Variants in OXCT1 observed in about 807,000 individuals in gnomAD.
OXCT1 encodes the protein 3-oxoacid CoA-transferase 1, also known as succinyl-CoA:3-ketoacid coenzyme A transferase 1, mitochondrial.
A neutral mutation model predicts 69.6 loss-of-function variants in OXCT1; 27 were observed. The observed-to-expected ratio is 0.39, with a 90% confidence interval of 0.29 to 0.54. OXCT1 has a LOEUF of 0.54. OXCT1 is among the 20% of genes least tolerant of loss of function. OXCT1 has a pLI of 0.72. For synonymous variants in OXCT1, 202 were observed against 217.8 expected (o/e 0.93, Z 0.64); for missense variants, 437 against 650.2 (o/e 0.67, Z 3.57).
chr5:41,770,788 T>C (rs1258173536), intron 13 of OXCT1, among the ~76,000 whole-genome samples: 1 of 152,208 alleles, frequency 6.6e-6, no homozygotes, highest in Non-Finnish European at 1.5e-5. Flanking sequence ...ACAGAACCAC[T>C]GATGTGTATC....
At chr5:41,795,341 G>T (rs191977555) in intron 11 of OXCT1, among the ~76,000 whole-genome samples, 3 of 152,182 alleles carry the variant, frequency 2.0e-5, no homozygotes, top group Admixed American at 2.0e-4. Flanking sequence ...CAGCCCAGGG[G>T]TTAGGGACCC....
chr5:41,826,475 G>A (rs1218338546), intron 7 of OXCT1, among the ~76,000 whole-genome samples: 1 of 152,072 alleles, frequency 6.6e-6, no homozygotes. Context: ...GCATTTTTAA[G>A]CTTTAGAAAA....
At chr5:41,834,753 T>G (rs554782410) in intron 7 of OXCT1, among the ~76,000 whole-genome samples, 1 of 152,286 alleles carries the variant, frequency 6.6e-6, no homozygotes, top group African/African-American at 2.4e-5. Flanking sequence ...TTTTCAGCAC[T>G]GACAGATTTC....
At chr5:41,796,723 T>G (rs1746201796) in intron 11 of OXCT1, among the ~76,000 whole-genome samples, 1 of 152,220 alleles carries the variant, frequency 6.6e-6, no homozygotes. Context: ...AAATACTTCC[T>G]GGTATGGTTA....
rs766712517 is a variant in OXCT1 at position 41,757,021 on chromosome 5, T to C, written c.1338+5090A>G. Among the ~76,000 whole-genome samples, 12 of 152,018 alleles carry C rather than the reference T, an allele frequency of 7.9e-5. No individual in the cohort carries two copies. In the South Asian group the frequency reaches 8.3e-4, roughly 11 times the overall value. ...CAAACCATGGAAGTCTTGGAGACAA[T>C]AGTAAGGACTCTGGACTTGAATCTA... On this transcript the variant is annotated intron_variant, in intron 14 of 16. Coordinates refer to ENST00000196371, the MANE Select transcript of OXCT1 (RefSeq NM_000436.4).
intron 13 of OXCT1, among the ~76,000 whole-genome samples, chr5:41,790,825 C>G (rs189061284): frequency 7.9e-5 from 12 of 152,158 alleles, no homozygotes; most frequent in Admixed American, 2.0e-4. Flanking sequence ...GTATCTTTAT[C>G]CATAACCAAT....
intron 4 of OXCT1, among the ~76,000 whole-genome samples, chr5:41,852,206 GT>G (rs751800870): frequency 6.6e-6 from 1 of 151,950 alleles, no homozygotes; most frequent in Non-Finnish European, 1.5e-5. Flanking sequence ...TGTTTTTTTT[GT>G]TTTTGTTTTT....
chr5:41,806,533 G>A (rs57536348), intron 8 of OXCT1, among the ~76,000 whole-genome samples: 7,674 of 152,076 alleles, frequency 0.05, 659 homozygotes, highest in African/African-American at 0.17. Flanking sequence ...TTATGAATTG[G>A]CTTAGTGCCA....
At position 41,736,838 on chromosome 5, in the gene OXCT1, C is replaced by A. The variant is rs540246457; in HGVS notation, c.1521+2552G>T. On this transcript the variant is annotated intron_variant, in intron 16 of 16. Coordinates refer to ENST00000196371, the MANE Select transcript of OXCT1 (RefSeq NM_000436.4). ...AAGGCTGAGTTCTAGGGACTTTTCTCAAACAGAACTTGAGCAACTAGTGTA... is the reference window on the plus strand; with the variant it reads ...AAGGCTGAGTTCTAGGGACTTTTCTAAAACAGAACTTGAGCAACTAGTGTA... Among the ~76,000 whole-genome samples, 6 of 152,278 alleles carry A rather than the reference C, an allele frequency of 3.9e-5. No homozygotes were observed. In the East Asian group the frequency reaches 1.2e-3, roughly 29 times the overall value.
intron 5 of OXCT1, among the ~76,000 whole-genome samples, chr5:41,848,699 A>C (rs1033460910): frequency 4.6e-5 from 7 of 151,860 alleles, no homozygotes; most frequent in Admixed American, 6.6e-5. Flanking sequence ...TTCCCTATTT[A>C]ATAAATGGTG....
intron 15 of OXCT1, among the ~76,000 whole-genome samples, chr5:41,746,764 A>G (rs1233945919): frequency 2.0e-5 from 3 of 152,032 alleles, no homozygotes; most frequent in African/African-American, 7.2e-5. Flanking sequence ...AGGCTGTCCA[A>G]ACTGAACCTA....
Position 41,794,666 on chromosome 5 carries a change from T to G in OXCT1, c.1172+11A>C. 1 of 1,611,640 alleles carries G rather than the reference T, an allele frequency of 6.2e-7. No homozygotes were observed. The highest frequency in any genetic ancestry group is 1.1e-5 in the South Asian group (1 of 91,064). ...ACTGTCTGAAACATGAGGGGCTCTG[T>G]TATTACATACCCTCTAATCATTGCA... On this transcript the variant is annotated intron_variant, in intron 12 of 16. Transcript: ENST00000196371.
At chr5:41,840,412 T>G (rs1748571090) in intron 7 of OXCT1, 39 bp downstream of exon 7, 3 of 1,445,662 alleles carry the variant, frequency 2.1e-6, no homozygotes, top group Non-Finnish European at 2.9e-6. Flanking sequence ...AACATCAAGT[T>G]AAATAATTAA....
intron 13 of OXCT1, among the ~76,000 whole-genome samples, chr5:41,769,714 G>A (rs763218906): frequency 7.9e-5 from 12 of 151,988 alleles, no homozygotes; most frequent in Admixed American, 2.6e-4. Context: ...GAGAGAAACC[G>A]TGACTCAAGT....
chr5:41,811,124 G>C (rs1263764664), intron 7 of OXCT1, among the ~76,000 whole-genome samples: 4 of 150,742 alleles, frequency 2.7e-5, no homozygotes, highest in African/African-American at 9.7e-5. Context: ...AAAATAAAAG[G>C]GGGAGACAAT....
intron 1 of OXCT1, among the ~76,000 whole-genome samples, chr5:41,869,069 G>T (rs1452834093): frequency 6.6e-6 from 1 of 152,194 alleles, no homozygotes; most frequent in Non-Finnish European, 1.5e-5. Context: ...CAATCTCACT[G>T]AAGGTCAAGT....
At chr5:41,779,649 C>G (rs546800387) in intron 13 of OXCT1, among the ~76,000 whole-genome samples, 37 of 151,944 alleles carry the variant, frequency 2.4e-4, no homozygotes, top group Middle Eastern at 3.4e-3. Flanking sequence ...AGTAAAAGAT[C>G]CGAATACAAT....
intron 7 of OXCT1, among the ~76,000 whole-genome samples, chr5:41,815,987 T>C (rs963003613): frequency 1.1e-4 from 16 of 152,168 alleles, no homozygotes; most frequent in African/African-American, 3.6e-4. Context: ...AGGAACACAA[T>C]ACTTAACACA....
chr5:41,847,424 A>G (rs958037466), intron 5 of OXCT1, among the ~76,000 whole-genome samples: 5 of 151,970 alleles, frequency 3.3e-5, no homozygotes, highest in Admixed American at 2.6e-4. Context: ...TCCCTAACTC[A>G]TTTTATGAGG....
Sources: allele counts gnomAD v4.1 joint callset (sites outside exome capture counted in the v4.1 genomes callset), GRCh38; gene constraint gnomAD v4.1.1; transcripts MANE v1.5; gene names NCBI Gene and HGNC (gene_info 2026-07-23, HGNC 2026-07-21).